Variants in ANHX observed in about 807,000 individuals in gnomAD.
ANHX encodes anomalous homeobox protein.
In ANHX, 20 loss-of-function variants were observed where a neutral mutation model predicts 38.9. The ratio of observed to expected loss-of-function variants is 0.51; its 90% CI spans 0.36 to 0.75. The LOEUF (loss-of-function observed/expected upper bound fraction) is 0.75, where lower values mean the gene tolerates loss of function less well. Ranked by LOEUF, ANHX falls within the 30% of genes least tolerant of loss-of-function variation. The pLI is 0.00. For synonymous variants in ANHX, 185 were observed against 203.1 expected (o/e 0.91, Z 0.76); for missense variants, 475 against 493.1 (o/e 0.96, Z 0.35).
Position 133,223,185 on chromosome 12 carries a change from G to T in ANHX, c.1133-1833C>A, listed in dbSNP as rs187260568. On this transcript the variant is annotated intron_variant, in intron 7 of 9. Transcript: ENST00000545940. ...GCCTGGGCAACAAGATCAAAACTCC[G>T]CCTCAAAAAAAAATATATATATATA... Among the ~76,000 whole-genome samples, 540 of 142,202 alleles carry T rather than the reference G, an allele frequency of 3.8e-3. 4 individuals are homozygous for T. The highest frequency in any genetic ancestry group is 0.015 in the African/African-American group (499 of 32,760). The allele number at this position is 142,202 out of a possible 152,430, so 93.3% of individuals were successfully genotyped here. A position where few individuals can be genotyped will look rare whatever the true frequency, so the allele number is the denominator to read the frequency against.
At chr12:133,224,368 A>G (rs1468358823) in intron 7 of ANHX, among the ~76,000 whole-genome samples, 1 of 152,242 alleles carries the variant, frequency 6.6e-6, no homozygotes, top group Non-Finnish European at 1.5e-5. Flanking sequence ...AATATTAAAT[A>G]TAGGTAAATT....
intron 3 of ANHX, among the ~76,000 whole-genome samples, chr12:133,230,488 G>T (rs1174886824): frequency 6.6e-6 from 1 of 152,168 alleles, no homozygotes; most frequent in Non-Finnish European, 1.5e-5. Context: ...TCATGACTTG[G>T]GCTGTCAGGA....
At chr12:133,222,270 G>C (rs1348648414) in intron 7 of ANHX, among the ~76,000 whole-genome samples, 1 of 152,206 alleles carries the variant, frequency 6.6e-6, no homozygotes, top group African/African-American at 2.4e-5. Context: ...GAAAGGGAAA[G>C]CCATGAGCAC....
intron 7 of ANHX, among the ~76,000 whole-genome samples, chr12:133,224,769 T>TC (rs776846425): frequency 6.7e-5 from 10 of 149,100 alleles, no homozygotes; most frequent in Non-Finnish European, 1.0e-4. Context: ...ATCAAGACCA[T>TC]CCTGGCTAAC....
intron 5 of ANHX, 82 bp from the exon 6 acceptor site, chr12:133,226,520 T>C: frequency 6.9e-7 from 1 of 1,451,098 alleles, no homozygotes; most frequent in South Asian, 1.4e-5. Flanking sequence ...GCAGCCCTGC[T>C]GGCTGGAAAA....
At position 133,224,662 on chromosome 12, in the gene ANHX, C is replaced by CAA. The variant is rs371166940; in HGVS notation, c.1132+872_1132+873dup. ...TGGGTGACAGACCAAGACTCCATCT[C>CAA]AAAAAAAAAAAAAAAAAAAAATGCT... On this transcript the variant is annotated intron_variant, in intron 7 of 9. Transcript: ENST00000545940. Among the ~76,000 whole-genome samples, 552 of 76,406 alleles carry CAA rather than the reference C, an allele frequency of 7.2e-3. 15 individuals carry two copies. The highest frequency in any genetic ancestry group is 0.031 in the African/African-American group (518 of 16,464). 50.1% of individuals were successfully genotyped at this position (76,406 alleles called of 152,430 possible).
rs1337350483 is a variant in ANHX, at chr12:133,225,774, G to A, written c.894C>T (p.Thr298=). Among the ~76,000 whole-genome samples, 2 of 152,158 alleles carry A rather than the reference G, an allele frequency of 1.3e-5. No homozygotes were observed. The highest frequency in any genetic ancestry group is 6.5e-5 in the Admixed American group (1 of 15,284). The change falls in exon 7 of 10, where the codon ACC becomes ACT. Residue 298 remains threonine, a synonymous_variant. Transcript: ENST00000545940. The part of the protein sequence containing the change: ...YQEGPGHDPA[T]LPLFCPGPGL... ...CAGGGCCAGGGCAGAAGAGGGGGAG[G>A]GTGGCAGGATCATGGCCAGGCCCCT...
intron 7 of ANHX, among the ~76,000 whole-genome samples, 139 bp downstream of exon 7, chr12:133,225,397 G>T (rs1461175203): frequency 2.6e-5 from 4 of 152,044 alleles, no homozygotes; most frequent in African/African-American, 9.7e-5. Context: ...CTTTGTTCTG[G>T]CTACATTGGT....
intron 4 of ANHX, 142 bp from the exon 5 acceptor site, chr12:133,227,294 T>A: frequency 1.1e-6 from 1 of 902,048 alleles, no homozygotes; most frequent in Non-Finnish European, 1.6e-6. Context: ...CAGAGAGCGG[T>A]GAGCATGAGC....
chr12:133,232,642 T>G (rs2135576742), intron 2 of ANHX, among the ~76,000 whole-genome samples: 1 of 152,316 alleles, frequency 6.6e-6, no homozygotes, highest in East Asian at 1.9e-4. Context: ...CAGCCGCAAG[T>G]CACCTCCTCA....
At chr12:133,229,254 GCTCCT>G (rs1429659655) in intron 3 of ANHX, among the ~76,000 whole-genome samples, 1 of 152,196 alleles carries the variant, frequency 6.6e-6, no homozygotes, top group Non-Finnish European at 1.5e-5. Context: ...AGCTGGTTAT[GCTCCT>G]CTCTAGTGCT....
rs1215914605 is a variant in ANHX at position 133,219,303 on chromosome 12, G to C, written c.1345C>G (p.Gln449Glu). The C allele has an allele frequency of 6.5e-7, 1 of 1,535,566 alleles. No individual in the cohort carries two copies. Among genetic ancestry groups the C allele is most frequent in the East Asian group, 2.4e-5 (1 of 40,926 alleles). ...CTCACCTGGCTGGAGGGCAGGGCCT[G>C]GCTCAGCTCCATGGCAGACACAGGG... is the stretch of plus-strand genomic sequence containing the variant. Reference protein sequence around the residue: ...PGPVSAMELSQALPSSQVQCS... With the variant: ...PGPVSAMELSEALPSSQVQCS... The change falls in exon 9 of 10, where the codon CAG becomes GAG. Residue 449 changes from glutamine (Q) to glutamate (E), a missense_variant. Transcript: ENST00000545940.
chr12:133,231,873 A>C (rs1197232110), intron 2 of ANHX, among the ~76,000 whole-genome samples: 1 of 152,210 alleles, frequency 6.6e-6, no homozygotes, highest in Non-Finnish European at 1.5e-5. Flanking sequence ...GTGTGACCCT[A>C]GGCCTGCCAG....
At chr12:133,226,257 C>T (rs1178744742) in intron 6 of ANHX, 61 bp downstream of exon 6, 34 of 1,535,706 alleles carry the variant, frequency 2.2e-5, no homozygotes, top group Non-Finnish European at 2.6e-5. Flanking sequence ...CTAGTCTCCA[C>T]CTGAGGAGGA....
chr12:133,231,219 G>A (rs1342714979), intron 3 of ANHX, among the ~76,000 whole-genome samples: 2 of 152,190 alleles, frequency 1.3e-5, no homozygotes, highest in Admixed American at 6.5e-5. Context: ...GAGATGATGA[G>A]GATGCCCACC....
chr12:133,229,236 G>C (rs1422270930), intron 3 of ANHX, among the ~76,000 whole-genome samples: 1 of 152,132 alleles, frequency 6.6e-6, no homozygotes, highest in Non-Finnish European at 1.5e-5. Context: ...GGACACTGGG[G>C]GTGTTCCAGC....
chr12:133,223,433 G>T (rs867782318), intron 7 of ANHX, among the ~76,000 whole-genome samples: 2 of 150,386 alleles, frequency 1.3e-5, no homozygotes, highest in Non-Finnish European at 3.0e-5. Flanking sequence ...AGAGCTTACA[G>T]GAGACTTTAT....
Position 133,231,504 on chromosome 12 carries a change from G to T in ANHX, c.377+13C>A. On this transcript the variant is annotated intron_variant, in intron 3 of 9. Coordinates refer to ENST00000545940, the MANE Select transcript of ANHX (RefSeq NM_001372060.1). ...CCCCATGAAATATGCACAAGTAAAT[G>T]CTTGTAGGTTACCTCTTCCTGCAGC... The T allele has an allele frequency of 6.5e-7, 1 of 1,536,096 alleles. No individual in the cohort carries two copies. The highest frequency in any genetic ancestry group is 8.7e-7 in the Non-Finnish European group (1 of 1,146,886).
intron 2 of ANHX, among the ~76,000 whole-genome samples, chr12:133,232,774 T>C (rs1437311669): frequency 1.3e-5 from 2 of 152,150 alleles, no homozygotes; most frequent in African/African-American, 4.8e-5. Context: ...CTCTCGTTTG[T>C]TTACTTCATT....
Sources: gnomAD v4.1 joint callset for allele counts (sites outside exome capture counted in the v4.1 genomes callset) on GRCh38, gnomAD v4.1.1 for gene constraint, MANE v1.5 for transcripts, NCBI Gene and HGNC (gene_info 2026-07-23, HGNC 2026-07-21) for gene names.